Variants in SIPA1L1 observed in about 807,000 individuals in gnomAD.
SIPA1L1 encodes the protein signal-induced proliferation-associated 1-like protein 1.
Under a neutral mutation model 162.7 loss-of-function variants are expected in SIPA1L1, and 26 were observed. The observed-to-expected ratio is 0.16, with a 90% confidence interval of 0.12 to 0.22. The LOEUF is 0.22. SIPA1L1 is among the 10% of genes least tolerant of loss of function. SIPA1L1 has a pLI of 1.00. For synonymous variants in SIPA1L1, 829 were observed against 837.4 expected, an observed-to-expected ratio of 0.99 and a Z score of 0.17; for missense variants, 1,874 against 2,241.0, an observed-to-expected ratio of 0.84 and a Z score of 3.31.
At position 71,633,502 on chromosome 14, in the gene SIPA1L1, G is replaced by C. The variant is rs531396543; in HGVS notation, c.1818+9266G>C. The stretch of plus-strand genomic sequence containing the variant: ...CATGATTTTTAAAAATGAAAAAATA[G>C]AAAGTCTTAGCAAAAAATTGAAGGT... On this transcript the variant is annotated intron_variant, in intron 7 of 23. Transcript: ENST00000381232. 2.1e-4 allele frequency among the ~76,000 whole-genome samples: 32 copies of C among 152,150 alleles called. No homozygotes were observed. In the South Asian group the frequency reaches 2.3e-3, roughly 11 times the overall value.
intron 5 of SIPA1L1, among the ~76,000 whole-genome samples, chr14:71,607,706 G>A (rs1478797062): frequency 1.3e-5 from 2 of 152,178 alleles, no homozygotes; most frequent in Non-Finnish European, 2.9e-5. Flanking sequence ...TTGGTTCTGA[G>A]ACAGCTTCTA....
At chr14:71,419,480 C>CTTTTTTT (rs779874892) in intron 2 of SIPA1L1, among the ~76,000 whole-genome samples, 4 of 85,246 alleles carry the variant, frequency 4.7e-5, no homozygotes, top group African/African-American at 1.4e-4. Flanking sequence ...GAGGATCTCT[C>CTTTTTTT]TTTTTTTTTT....
chr14:71,537,420 G>A (rs2053997519), intron 4 of SIPA1L1, among the ~76,000 whole-genome samples: 1 of 151,988 alleles, frequency 6.6e-6, no homozygotes. Flanking sequence ...GGCCAGGCTG[G>A]TCTCGGACTC....
chr14:71,438,345 G>A (rs909887250), intron 2 of SIPA1L1, among the ~76,000 whole-genome samples: 6 of 152,092 alleles, frequency 3.9e-5, no homozygotes, highest in Admixed American at 3.9e-4. Context: ...TGAGTGTGTT[G>A]GGGACAGAAG....
chr14:71,729,953 G>A lies in SIPA1L1; in HGVS notation c.4615-102G>A, dbSNP rs545205480. The A allele has an allele frequency of 1.0e-5, 13 of 1,256,014 alleles. No homozygotes were observed. The Admixed American group carries it at 1.9e-4, about 18-fold the overall frequency. The allele number at this position is 1,256,014 out of a possible 1,614,324, so 77.8% of individuals were successfully genotyped here. A position where few individuals can be genotyped will look rare whatever the true frequency, so the allele number is the denominator to read the frequency against. On this transcript the variant is annotated intron_variant, in intron 19 of 23. Transcript: ENST00000381232. ...GCCCTGAAGCTTCCTTGCTAGGGGT[G>A]TGTCTGGAGCAGTAACTTGGTTATC... is the stretch of plus-strand genomic sequence containing the variant.
At chr14:71,323,461 T>C (rs140222235) in intron 2 of SIPA1L1, among the ~76,000 whole-genome samples, 228 of 152,314 alleles carry the variant, frequency 1.5e-3, no homozygotes, top group African/African-American at 5.3e-3. Context: ...CGTTGTATTA[T>C]CATTGTTATT....
intron 5 of SIPA1L1, among the ~76,000 whole-genome samples, chr14:71,602,945 A>G (rs922361690): frequency 3.3e-5 from 5 of 152,214 alleles, no homozygotes; most frequent in African/African-American, 7.2e-5. Context: ...CCTGGTGCCA[A>G]AAAGGTTGGG....
In SIPA1L1 at chr14:71,467,852, T is replaced by TAA. The variant is rs11394096; in HGVS notation, c.-464-44875_-464-44874dup. On this transcript the variant is annotated intron_variant, in intron 2 of 23. Transcript: ENST00000381232. Reference sequence around the variant, plus strand: ...CAAACATAACTAGACCCCCATCTCTTAAAAAAAAAAAAAAAAAGAAAGAAA... The same window carrying TAA: ...CAAACATAACTAGACCCCCATCTCTTAAAAAAAAAAAAAAAAAAAGAAAGAAA... Among the ~76,000 whole-genome samples, 156 of 135,756 alleles carry TAA rather than the reference T, an allele frequency of 1.1e-3. 1 individual carries two copies. The highest frequency in any genetic ancestry group is 3.3e-3 in the South Asian group (14 of 4,220). 89.1% of individuals were successfully genotyped at this position (135,756 alleles called of 152,430 possible). A position where few individuals can be genotyped will look rare whatever the true frequency, so the allele number is the denominator to read the frequency against.
intron 2 of SIPA1L1, among the ~76,000 whole-genome samples, chr14:71,487,425 A>G (rs1242469243): frequency 6.6e-6 from 1 of 152,216 alleles, no homozygotes; most frequent in Non-Finnish European, 1.5e-5. Context: ...CATTCTGTAT[A>G]TCCATCATTT....
At chr14:71,652,684 C>T (rs139200406) in intron 8 of SIPA1L1, among the ~76,000 whole-genome samples, 32 of 148,032 alleles carry the variant, frequency 2.2e-4, no homozygotes, top group African/African-American at 6.5e-4. Flanking sequence ...TGGATAATTT[C>T]TATTAATATA....
chr14:71,408,371 A>G (rs150374581), intron 2 of SIPA1L1, among the ~76,000 whole-genome samples: 1 of 152,282 alleles, frequency 6.6e-6, no homozygotes, highest in African/African-American at 2.4e-5. Context: ...TAAGCAGTTT[A>G]TAGTTTTACC....
Position 71,699,017 on chromosome 14 carries a change from A to G in SIPA1L1, c.3411A>G (p.Ser1137=). 6.2e-7 allele frequency: 1 copy of G among 1,614,218 alleles called. No individual in the cohort carries two copies. Among genetic ancestry groups the G allele is most frequent in the Non-Finnish European group, 8.5e-7 (1 of 1,180,032 alleles). Residue 1137 remains serine (S), a synonymous_variant, in exon 14 of 24, where the codon TCA becomes TCG. Transcript: ENST00000381232. ...SPGSDIYVTV[S]SMALARSQCR... Reference sequence around the variant, plus strand: ...GTTCGGACATCTATGTGACGGTCTCATCCATGGCTTTAGCAAGATCCCAGT... The same window carrying G: ...GTTCGGACATCTATGTGACGGTCTCGTCCATGGCTTTAGCAAGATCCCAGT...
At position 71,505,969 on chromosome 14, in the gene SIPA1L1, C is replaced by A. The variant is rs59749781; in HGVS notation, c.-464-6774C>A. On this transcript the variant is annotated intron_variant, in intron 2 of 23. Transcript: ENST00000381232. ...ATGGATATGCAAATATTCCCCCCCC[C>A]CAAAAAAAAAATCCCCACGAAAACG... Among the ~76,000 whole-genome samples, 1,984 of 148,068 alleles carry A rather than the reference C, an allele frequency of 0.013. 160 individuals carry two copies. The East Asian group carries it at 0.23, about 17-fold the overall frequency.
intron 15 of SIPA1L1, among the ~76,000 whole-genome samples, chr14:71,703,661 C>T (rs2082244866): frequency 1.3e-5 from 2 of 152,166 alleles, no homozygotes; most frequent in Admixed American, 6.5e-5. Flanking sequence ...GAGATGGTAA[C>T]GACACATGTG....
At chr14:71,480,851 A>C (rs963816509) in intron 2 of SIPA1L1, among the ~76,000 whole-genome samples, 1 of 152,232 alleles carries the variant, frequency 6.6e-6, no homozygotes, top group African/African-American at 2.4e-5. Flanking sequence ...AACAAACTAG[A>C]AACCTTTCAG....
At chr14:71,405,479 G>A (rs185306700) in intron 2 of SIPA1L1, among the ~76,000 whole-genome samples, 68 of 152,328 alleles carry the variant, frequency 4.5e-4, no homozygotes, top group Non-Finnish European at 4.4e-5. Context: ...TCTTGTGTTT[G>A]TACATTGACT....
chr14:71,626,875 T>G (rs949388993), intron 7 of SIPA1L1, among the ~76,000 whole-genome samples: 1 of 152,132 alleles, frequency 6.6e-6, no homozygotes, highest in East Asian at 1.9e-4. Flanking sequence ...AAATCTTTGG[T>G]GCTTTAATTC....
intron 2 of SIPA1L1, among the ~76,000 whole-genome samples, chr14:71,494,658 C>T (rs1240116296): frequency 6.6e-6 from 1 of 151,810 alleles, no homozygotes; most frequent in East Asian, 1.9e-4. Context: ...TCAATAGTAG[C>T]TGGGACTATA....
In SIPA1L1 at chr14:71,589,302, T is replaced by A. The variant is rs2034965813; in HGVS notation, c.1430T>A (p.Val477Glu). The A allele has an allele frequency of 5.0e-6, 8 of 1,613,778 alleles. No individual in the cohort carries two copies. Among genetic ancestry groups the A allele is most frequent in the Admixed American group, 1.7e-5 (1 of 59,988 alleles). The change falls in exon 5 of 24, where the codon GTG (valine) becomes GAG (glutamate). Residue 477 changes from valine to glutamate, a missense_variant. By Grantham distance (121) the Val-to-Glu change is moderately radical. Transcript: ENST00000381232. ...AACTTGGTGTTGCACCTAGATAGAG[T>A]GAAAAGATACATCGTGGAACACGTA... Reference protein sequence around the residue: ...KENLVLHLDRVKRYIVEHVDL... With the variant: ...KENLVLHLDREKRYIVEHVDL...
Sources: gnomAD v4.1 joint callset for allele counts (sites outside exome capture counted in the v4.1 genomes callset) on GRCh38, gnomAD v4.1.1 for gene constraint, MANE v1.5 for transcripts, NCBI Gene and HGNC (gene_info 2026-07-23, HGNC 2026-07-21) for gene names.